The following MBD3 variants were observed in gnomAD, a reference collection of about 807,000 sequenced individuals.
MBD3 encodes the protein methyl-CpG binding domain protein 3, also known as methyl-CpG-binding domain protein 3.
A neutral mutation model predicts 31.2 loss-of-function variants in MBD3; 13 were observed. That is an observed-to-expected ratio of 0.42 (90% CI 0.27 to 0.66). MBD3 has a LOEUF of 0.66. MBD3 is among the 30% of genes least tolerant of loss of function. The probability of loss-of-function intolerance (pLI) is 0.26; values close to 1 mark genes in which losing one functional copy is unlikely to be tolerated. For synonymous variants in MBD3, 223 were observed against 187.4 expected, an observed-to-expected ratio of 1.19 and a Z score of -1.55; for missense variants, 440 against 426.5, an observed-to-expected ratio of 1.03 and a Z score of -0.28.
chr19:1,574,056 GC>G lies in MBD3; in HGVS notation c.*4107del, dbSNP rs1915035341. 1 of 152,088 alleles carries G rather than the reference GC, an allele frequency of 6.6e-6. No individual in the cohort carries two copies. The highest frequency in any genetic ancestry group is 1.5e-5 in the Non-Finnish European group (1 of 68,070). 9.4% of individuals were successfully genotyped at this position (152,088 alleles called of 1,614,324 possible). On this transcript the variant is annotated 3_prime_UTR_variant, in exon 7 of 7. Coordinates refer to ENST00000434436, the MANE Select transcript of MBD3 (RefSeq NM_001281453.2). ...ATTCTGGTGAGGCACGGTGGCTCAT[GC>G]CTGTAATCCCAGCACTTTGGGAGGC...
At chr19:1,582,516 C>T (rs2060657545) in intron 4 of MBD3, 106 bp downstream of exon 4, 1 of 1,129,868 alleles carries the variant, frequency 8.9e-7, no homozygotes, top group Non-Finnish European at 1.3e-6. Flanking sequence ...CCCTAAGCAC[C>T]CAAAGCAGGA....
intron 1 of MBD3, among the ~76,000 whole-genome samples, chr19:1,589,973 TTAGA>T (rs1176002139): frequency 6.6e-6 from 1 of 152,148 alleles, no homozygotes; most frequent in Non-Finnish European, 1.5e-5. Context: ...TGTTCTGGAA[TTAGA>T]TAGCGGTGAT....
Position 1,592,525 on chromosome 19 carries a change from T to C in MBD3, c.107A>G (p.Tyr36Cys), listed in dbSNP as rs1160694529. ...LSAGHRDVFYYSPSGKKFRSK... is the reference protein window; with the variant it reads ...LSAGHRDVFYCSPSGKKFRSK... The stretch of plus-strand genomic sequence containing the variant: ...CGCGGCCGGCGCGCTCATTCACCTA[T>C]AGTAAAAGACATCCCTGTGGCCGGC... The change falls in exon 1 of 7, where the codon TAT (tyrosine) becomes TGT (cysteine). Residue 36 changes from tyrosine to cysteine, a missense_variant. By Grantham distance (194) the Tyr-to-Cys change is radical. This residue lies in a region of MBD3 where 179 missense variants were observed against 134.7 expected (regional missense o/e 1.33). Coordinates refer to ENST00000434436, the MANE Select transcript of MBD3 (RefSeq NM_001281453.2). 7.1e-7 allele frequency: 1 copy of C among 1,417,498 alleles called. No homozygotes were observed. The highest frequency in any genetic ancestry group is 9.4e-7 in the Non-Finnish European group (1 of 1,059,708). 87.8% of individuals were successfully genotyped at this position (1,417,498 alleles called of 1,614,324 possible). A position where few individuals can be genotyped will look rare whatever the true frequency, so the allele number is the denominator to read the frequency against.
rs541910159 is a variant in MBD3, at chr19:1,576,127, G to A, written c.*2037C>T. Reference sequence around the variant, plus strand: ...AGACAGGGATAGACAGAGACAGAGAGAGACCAAGGGAGACAGGGACACAGT... The same window carrying A: ...AGACAGGGATAGACAGAGACAGAGAAAGACCAAGGGAGACAGGGACACAGT... On this transcript the variant is annotated 3_prime_UTR_variant, in exon 7 of 7. Coordinates refer to ENST00000434436, the MANE Select transcript of MBD3 (RefSeq NM_001281453.2). 6.6e-6 allele frequency: 1 copy of A among 152,592 alleles called. No individual in the cohort carries two copies. The highest frequency in any genetic ancestry group is 2.4e-5 in the African/African-American group (1 of 41,562). The allele number at this position is 152,592 out of a possible 1,614,324, so 9.5% of individuals were successfully genotyped here. A position where few individuals can be genotyped will look rare whatever the true frequency, so the allele number is the denominator to read the frequency against.
In MBD3 at chr19:1,585,723, C is replaced by T. The variant is rs1390218688; in HGVS notation, c.111-509G>A. Among the ~76,000 whole-genome samples the T allele has an allele frequency of 2.6e-5, 4 of 152,184 alleles. No individual in the cohort carries two copies. The highest frequency in any genetic ancestry group is 4.4e-5 in the Non-Finnish European group (3 of 68,036). On this transcript the variant is annotated intron_variant, in intron 1 of 6. Transcript: ENST00000434436. This position sits in a 1 kb window ranked among gnomAD's most constrained non-coding sequence, Gnocchi z 4.1. ...TTTAGGTCACATTCTTGAGAAAAGACCCCACGGAGAACAGGTATGTGAGGG... is the reference window on the plus strand; with the variant it reads ...TTTAGGTCACATTCTTGAGAAAAGATCCCACGGAGAACAGGTATGTGAGGG...
At chr19:1,582,559 C>T in intron 4 of MBD3, 63 bp downstream of exon 4, 1 of 1,498,830 alleles carries the variant, frequency 6.7e-7, no homozygotes, top group Non-Finnish European at 9.2e-7. Context: ...GATGAGGGCA[C>T]CTGCAGCACC....
intron 4 of MBD3, among the ~76,000 whole-genome samples, chr19:1,581,891 C>A (rs60011761): frequency 0.07 from 10,606 of 151,926 alleles, 1,215 homozygotes; most frequent in African/African-American, 0.24. Context: ...CCTCAGCCTC[C>A]CAAGTAGCTG....
At chr19:1,592,028 G>A (rs2060706131) in intron 1 of MBD3, 1 of 152,250 alleles carries the variant, frequency 6.6e-6, no homozygotes, top group Admixed American at 6.5e-5. Context: ...TCACCCTGAG[G>A]CGCTTATTCC....
intron 3 of MBD3, 67 bp from the exon 4 acceptor site, chr19:1,582,779 G>T: frequency 6.8e-7 from 1 of 1,472,172 alleles, no homozygotes. Flanking sequence ...GTCCTTGCTG[G>T]GCTCCAGGGA....
rs773711694 is a variant in MBD3 at position 1,584,546 on chromosome 19, C to T, written c.402G>A (p.Pro134=). The stretch of plus-strand genomic sequence containing the variant: ...CGCTGTGCGTTGAGCTCACCTGGCG[C>T]GGCTGGTCCACCGCCTTCTGCGGGT... ...KSDPQKAVDQ[P]RQLFWEKKLS... Residue 134 remains proline, a synonymous_variant, in exon 3 of 7, where the codon CCG becomes CCA. Transcript: ENST00000434436. The T allele has an allele frequency of 1.9e-6, 3 of 1,613,372 alleles. No homozygotes were observed. The highest frequency in any genetic ancestry group is 2.2e-5 in the East Asian group (1 of 44,872).
At chr19:1,581,361 A>G in intron 4 of MBD3, 92 bp from the exon 5 acceptor site, 1 of 1,317,464 alleles carries the variant, frequency 7.6e-7, no homozygotes, top group Non-Finnish European at 1.1e-6. Flanking sequence ...CAAGAATGGG[A>G]GCTGCCACCT....
At position 1,578,625 on chromosome 19, in the gene MBD3, G is replaced by A. The variant is rs1475902308; in HGVS notation, c.678-87C>T. ...ATGAACGTGGGGACCTCAGCTGGGA[G>A]GGGAGGCCCGAGGGATCCACAGGCA... On this transcript the variant is annotated intron_variant, in intron 5 of 6. Coordinates refer to ENST00000434436, the MANE Select transcript of MBD3 (RefSeq NM_001281453.2). This position sits in a 1 kb window ranked among gnomAD's most constrained non-coding sequence, Gnocchi z 6.1. 1.9e-6 allele frequency: 3 copies of A among 1,599,594 alleles called. No homozygotes were observed. Among genetic ancestry groups the A allele is most frequent in the South Asian group, 1.1e-5 (1 of 90,664 alleles).
At chr19:1,581,999 C>T (rs1014864242) in intron 4 of MBD3, among the ~76,000 whole-genome samples, 1 of 152,144 alleles carries the variant, frequency 6.6e-6, no homozygotes, top group Non-Finnish European at 1.5e-5. Flanking sequence ...GATCTCCTGA[C>T]CTCATGATCC....
chr19:1,585,177 C>G lies in MBD3; in HGVS notation c.148G>C (p.Ala50Pro). The G allele has an allele frequency of 1.9e-6, 3 of 1,607,262 alleles. No individual in the cohort carries two copies. Among genetic ancestry groups the G allele is most frequent in the Non-Finnish European group, 2.5e-6 (3 of 1,179,154 alleles). The change falls in exon 2 of 7, where the codon GCG (alanine) becomes CCG (proline). Residue 50 changes from alanine (A) to proline (P), a missense_variant. By Grantham distance (27) the Ala-to-Pro change is conservative. This residue lies in a region of MBD3 where 179 missense variants were observed against 134.7 expected (regional missense o/e 1.33). Coordinates refer to ENST00000434436, the MANE Select transcript of MBD3 (RefSeq NM_001281453.2). The surrounding 1 kb of genome is among the most constrained non-coding windows in gnomAD (Gnocchi z 4.1). ...GKKFRSKPQL[A>P]RYLGGSMDLS... ...TCCATGGAGCCGCCCAGGTAGCGCG[C>G]CAGCTGCGGCTTGCTGCGGAACTTC...
intron 1 of MBD3, among the ~76,000 whole-genome samples, chr19:1,589,590 C>T (rs2060694721): frequency 6.6e-6 from 1 of 152,076 alleles, no homozygotes; most frequent in South Asian, 2.1e-4. Context: ...GAGGTGGAGG[C>T]TGCAGTCAGC....
intron 4 of MBD3, chr19:1,581,597 T>G: frequency 2.5e-6 from 1 of 401,200 alleles, no homozygotes; most frequent in Non-Finnish European, 4.7e-6. Flanking sequence ...ATTCAAAAAT[T>G]AGCCAGGTGT....
intron 4 of MBD3, among the ~76,000 whole-genome samples, chr19:1,582,224 A>C (rs1471229451): frequency 6.6e-6 from 1 of 152,134 alleles, no homozygotes; most frequent in African/African-American, 2.4e-5. Flanking sequence ...AAAAACAACC[A>C]CCAAAACCAT....
At chr19:1,586,656 A>C (rs1300801482) in intron 1 of MBD3, among the ~76,000 whole-genome samples, 2 of 140,234 alleles carry the variant, frequency 1.4e-5, no homozygotes, top group Non-Finnish European at 3.0e-5. Flanking sequence ...CGACAGGCAC[A>C]AGCCACCACG....
At chr19:1,589,179 A>G (rs1175899389) in intron 1 of MBD3, among the ~76,000 whole-genome samples, 1 of 151,492 alleles carries the variant, frequency 6.6e-6, no homozygotes, top group Non-Finnish European at 1.5e-5. Flanking sequence ...TAAAAATACA[A>G]AAGTAGCCGG....
Sources: gnomAD v4.1 joint callset for allele counts (sites outside exome capture counted in the v4.1 genomes callset) on GRCh38, gnomAD v4.1.1 for gene constraint, gnomAD v4.1.1 regional missense constraint, Gnocchi (gnomAD v3.1) non-coding constraint, MANE v1.5 for transcripts, NCBI Gene and HGNC (gene_info 2026-07-23, HGNC 2026-07-21) for gene names.